TRIT1: variants seen among roughly 807,000 people sequenced by gnomAD.
The protein encoded by TRIT1 is tRNA isopentenyltransferase 1, also known as tRNA dimethylallyltransferase.
A neutral mutation model predicts 51.2 loss-of-function variants in TRIT1; 43 were observed. The ratio of observed to expected loss-of-function variants is 0.84; its 90% confidence interval spans 0.66 to 1.08. The LOEUF is 1.08. Ranked by LOEUF, TRIT1 falls within the 50% of genes least tolerant of loss-of-function variation. TRIT1 has a pLI of 0.00. For missense variants in TRIT1, 528 were observed against 578.4 expected (o/e 0.91, Z 0.89); for synonymous variants, 184 against 203.9 (o/e 0.90, Z 0.83).
Position 39,852,880 on chromosome 1 carries a change from T to A in TRIT1, c.415-4A>T. On this transcript the variant is annotated splice_polypyrimidine_tract_variant and splice_region_variant and intron_variant, in intron 3 of 10. Transcript: ENST00000316891. ...TCTCAGTGCCCATCTCCTGGGGCTA[T>A]TAAATGATGGTTTAGAAGTATATTT... 6.2e-7 allele frequency: 1 copy of A among 1,614,070 alleles called. No individual in the cohort carries two copies. The highest frequency in any genetic ancestry group is 8.5e-7 in the Non-Finnish European group (1 of 1,179,982).
At position 39,883,309 on chromosome 1, in the gene TRIT1, C is replaced by G; in HGVS notation, c.174+9G>C. ...TCCCCAGGCGCCCGGGCCAGCCGCACTGCCATACCTGCATGGAGTCAGCGC... is the reference window on the plus strand; with the variant it reads ...TCCCCAGGCGCCCGGGCCAGCCGCAGTGCCATACCTGCATGGAGTCAGCGC... On this transcript the variant is annotated intron_variant, in intron 1 of 10. Coordinates refer to ENST00000316891, the MANE Select transcript of TRIT1 (RefSeq NM_017646.6). 6.2e-7 allele frequency: 1 copy of G among 1,600,444 alleles called. No homozygotes were observed. The highest frequency in any genetic ancestry group is 8.5e-7 in the Non-Finnish European group (1 of 1,174,032).
rs1478209436 is a variant in TRIT1, at chr1:39,854,005, C to T, written c.379G>A (p.Glu127Lys). 1.2e-6 allele frequency: 2 copies of T among 1,613,314 alleles called. No homozygotes were observed. The highest frequency in any genetic ancestry group is 2.7e-5 in the African/African-American group (2 of 74,882). Residue 127 changes from glutamate (E) to lysine (K), a missense_variant, in exon 3 of 11, where the codon GAA (glutamate) becomes AAA (lysine). Coordinates refer to ENST00000316891, the MANE Select transcript of TRIT1 (RefSeq NM_017646.6). ...IVVGGTNYYI[E>K]SLLWKVLVNT... is the part of the protein sequence containing the mutation. ...ACAAGAACTTTCCAGAGCAGAGATTCAATGTAATAATTGGTTCCTCCCACA... is the reference window on the plus strand; with the variant it reads ...ACAAGAACTTTCCAGAGCAGAGATTTAATGTAATAATTGGTTCCTCCCACA...
In TRIT1 at chr1:39,841,590, G is replaced by A; in HGVS notation, c.*154C>T. 1.4e-6 allele frequency: 1 copy of A among 704,600 alleles called. No homozygotes were observed. The highest frequency in any genetic ancestry group is 2.2e-6 in the Non-Finnish European group (1 of 446,486). The allele number at this position is 704,600 out of a possible 1,614,324, so 43.6% of individuals were successfully genotyped here. Reference sequence around the variant, plus strand: ...GCTGTTTCTATTATAGAGAACGTGAGACTTTAAAACCACATCAAAAGAAAA... The same window carrying A: ...GCTGTTTCTATTATAGAGAACGTGAAACTTTAAAACCACATCAAAAGAAAA... On this transcript the variant is annotated 3_prime_UTR_variant, in exon 11 of 11. Transcript: ENST00000316891.
chr1:39,844,569 G>C lies in TRIT1; in HGVS notation c.1078C>G (p.Leu360Val). Reference protein sequence around the residue: ...SDVSKWEESVLEPALEIVQSF... With the variant: ...SDVSKWEESVVEPALEIVQSF... ...TGCACGATTTCAAGAGCAGGTTCAA[G>C]AACAGACTCTTCCCACTTCGAGACA... Residue 360 changes from leucine (L) to valine (V), a missense_variant, in exon 9 of 11, where the codon CTT (leucine) becomes GTT (valine). Around this residue, in one of 3 missense-constraint regions of TRIT1, gnomAD observed 468 missense variants for 522.6 expected, o/e 0.90. Transcript: ENST00000316891. 1 of 1,613,986 alleles carries C rather than the reference G, an allele frequency of 6.2e-7. No homozygotes were observed. The highest frequency in any genetic ancestry group is 8.5e-7 in the Non-Finnish European group (1 of 1,179,896).
Position 39,838,659 on chromosome 1 carries a change from A to AGTAT in TRIT1, c.*3081_*3084dup, listed in dbSNP as rs1209546416. ...GCATGCATACATATATATATATGTA[A>AGTAT]GTATGTATGTATGTATATATTTGTG... On this transcript the variant is annotated 3_prime_UTR_variant, in exon 11 of 11. Transcript: ENST00000316891. Among the ~76,000 whole-genome samples, 9 of 144,232 alleles carry AGTAT rather than the reference A, an allele frequency of 6.2e-5. No homozygotes were observed. The highest frequency in any genetic ancestry group is 4.8e-4 in the Admixed American group (7 of 14,590). The allele number at this position is 144,232 out of a possible 152,430, so 94.6% of individuals were successfully genotyped here.
chr1:39,851,234 T>TA (rs1361137624), intron 4 of TRIT1, among the ~76,000 whole-genome samples: 4 of 150,832 alleles, frequency 2.7e-5, no homozygotes, highest in African/African-American at 4.9e-5. Flanking sequence ...AAAGAAAGAT[T>TA]AAAAAAAAAG....
At chr1:39,873,500 T>G (rs76025207) in intron 1 of TRIT1, among the ~76,000 whole-genome samples, 266 of 152,316 alleles carry the variant, frequency 1.7e-3, no homozygotes, top group African/African-American at 6.2e-3. Context: ...AGATACATGA[T>G]GACTAACTGC....
chr1:39,844,690 A>C, intron 8 of TRIT1, 50 bp from the exon 9 acceptor site: 1 of 1,333,460 alleles, frequency 7.5e-7, no homozygotes, highest in East Asian at 2.3e-5. Flanking sequence ...AACCCAATCT[A>C]TTCTGCAGCC....
chr1:39,854,086 T>C lies in TRIT1; in HGVS notation c.316-18A>G, dbSNP rs748550634. ...TCTTCAATGTGAACATTAAGAAAGATATCACGATATCAAGAGAATCCTGAC... is the reference window on the plus strand; with the variant it reads ...TCTTCAATGTGAACATTAAGAAAGACATCACGATATCAAGAGAATCCTGAC... On this transcript the variant is annotated intron_variant, in intron 2 of 10. Transcript: ENST00000316891. 23 of 1,528,032 alleles carry C rather than the reference T, an allele frequency of 1.5e-5. No homozygotes were observed. Among genetic ancestry groups the C allele is most frequent in the African/African-American group, 4.1e-5 (3 of 72,790 alleles). The allele number at this position is 1,528,032 out of a possible 1,614,324, so 94.7% of individuals were successfully genotyped here.
chr1:39,858,331 G>A (rs1643020578), intron 1 of TRIT1, among the ~76,000 whole-genome samples: 1 of 152,210 alleles, frequency 6.6e-6, no homozygotes, highest in Non-Finnish European at 1.5e-5. Flanking sequence ...GAAAGACCCT[G>A]GCGCCAGGCT....
rs766355300 is a variant in TRIT1 at position 39,847,652 on chromosome 1, T to C, written c.824A>G (p.Tyr275Cys). 2.9e-5 allele frequency: 47 copies of C among 1,614,120 alleles called. No individual in the cohort carries two copies. Among genetic ancestry groups the C allele is most frequent in the Non-Finnish European group, 3.7e-5 (44 of 1,180,048 alleles). The change falls in exon 7 of 11, where the codon TAT becomes TGT. Residue 275 changes from tyrosine (Y) to cysteine (C), a missense_variant. This residue lies in a region of TRIT1 where 468 missense variants were observed against 522.6 expected (regional missense o/e 0.90). Coordinates refer to ENST00000316891, the MANE Select transcript of TRIT1 (RefSeq NM_017646.6). ...AATTGATTGGAAGATACCATGTTGA[T>C]AGTCCTGGCTGGGAACAGGAGGGTA... Reference protein sequence around the residue: ...QKNVSENSQDYQHGIFQSIGF... With the variant: ...QKNVSENSQDCQHGIFQSIGF...
intron 1 of TRIT1, among the ~76,000 whole-genome samples, chr1:39,871,117 C>T (rs746349128): frequency 9.2e-5 from 14 of 152,086 alleles, no homozygotes; most frequent in South Asian, 6.2e-4. Context: ...CATTTGAACC[C>T]GGGAGGCGGA....
Position 39,877,220 on chromosome 1 carries a change from G to C in TRIT1, c.174+6098C>G, listed in dbSNP as rs74768291. Among the ~76,000 whole-genome samples the C allele has an allele frequency of 2.9e-3, 444 of 151,418 alleles. 4 individuals are homozygous for C. Among genetic ancestry groups the C allele is most frequent in the African/African-American group, 0.01 (431 of 41,286 alleles). ...GCAAACAAAAAGAATACAGAGGCCA[G>C]GTGGGGTAGCTCATGCCTGTAATCC... On this transcript the variant is annotated intron_variant, in intron 1 of 10. Transcript: ENST00000316891.
intron 1 of TRIT1, 55 bp downstream of exon 1, chr1:39,883,263 G>T: frequency 1.3e-6 from 2 of 1,550,964 alleles, no homozygotes; most frequent in Non-Finnish European, 1.7e-6. Flanking sequence ...TTGCCACAGG[G>T]TGTCCACGCG....
intron 1 of TRIT1, among the ~76,000 whole-genome samples, chr1:39,858,333 C>T (rs543823334): frequency 8.5e-5 from 13 of 152,284 alleles, no homozygotes; most frequent in South Asian, 2.1e-4. Context: ...AAGACCCTGG[C>T]GCCAGGCTGC....
chr1:39,868,347 T>C (rs1321781243), intron 1 of TRIT1, among the ~76,000 whole-genome samples: 2 of 152,128 alleles, frequency 1.3e-5, no homozygotes, highest in East Asian at 1.9e-4. Flanking sequence ...CCAGGATATA[T>C]ATAAAGAACT....
chr1:39,871,557 G>A (rs984744784), intron 1 of TRIT1, among the ~76,000 whole-genome samples: 2 of 152,208 alleles, frequency 1.3e-5, no homozygotes, highest in South Asian at 2.1e-4. Context: ...CCCACCCTGG[G>A]CAACAGAATG....
At chr1:39,867,858 T>C (rs552815802) in intron 1 of TRIT1, among the ~76,000 whole-genome samples, 4 of 152,370 alleles carry the variant, frequency 2.6e-5, no homozygotes, top group African/African-American at 7.2e-5. Flanking sequence ...TATATTTGTT[T>C]GCTTCAAGTA....
At chr1:39,859,286 A>C (rs997777123) in intron 1 of TRIT1, among the ~76,000 whole-genome samples, 1 of 147,170 alleles carries the variant, frequency 6.8e-6, no homozygotes, top group African/African-American at 2.5e-5. Flanking sequence ...AAAAAAAAAA[A>C]AAAAAAAAAA....
Sources: allele counts gnomAD v4.1 joint callset (sites outside exome capture counted in the v4.1 genomes callset), GRCh38; gene constraint gnomAD v4.1.1; regional missense constraint gnomAD v4.1.1; transcripts MANE v1.5; gene names NCBI Gene and HGNC (gene_info 2026-07-23, HGNC 2026-07-21).